TRAPPC13: variants seen among roughly 807,000 people sequenced by gnomAD.
The protein encoded by TRAPPC13 is REV7-interacting novel NHEJ regulator 1.
Under a neutral mutation model 54.0 loss-of-function variants are expected in TRAPPC13, and 39 were observed. The ratio of observed to expected loss-of-function variants is 0.72; its 90% confidence interval spans 0.56 to 0.94. The LOEUF is 0.94. TRAPPC13 is among the 40% of genes least tolerant of loss of function. TRAPPC13 has a pLI of 0.00. For missense variants in TRAPPC13, 386 were observed against 488.1 expected (o/e 0.79, Z 1.97); for synonymous variants, 148 against 167.7 (o/e 0.88, Z 0.91).
intron 10 of TRAPPC13, 122 bp downstream of exon 10, chr5:65,661,019 T>C (rs1019683499): frequency 1.4e-5 from 10 of 737,620 alleles, no homozygotes; most frequent in Middle Eastern, 2.5e-4. Context: ...TTACTACTAC[T>C]GGAGCAGAAA....
chr5:65,629,630 G>C, intron 1 of TRAPPC13: 1 of 1,535,832 alleles, frequency 6.5e-7, no homozygotes, highest in Non-Finnish European at 8.7e-7. Flanking sequence ...ATGTGAGAGT[G>C]ATCCCACACA....
At chr5:65,638,823 C>G (rs1180446862) in intron 4 of TRAPPC13, among the ~76,000 whole-genome samples, 3 of 152,162 alleles carry the variant, frequency 2.0e-5, no homozygotes, top group African/African-American at 7.2e-5. Flanking sequence ...GTGGCTCATG[C>G]CTGTAATCCT....
At chr5:65,657,314 G>A (rs750602385) in intron 8 of TRAPPC13, among the ~76,000 whole-genome samples, 18 of 151,998 alleles carry the variant, frequency 1.2e-4, no homozygotes, top group Admixed American at 2.0e-4. Context: ...CCCGGGAGGC[G>A]GAGGTTGCAG....
At chr5:65,647,557 G>A (rs931132712) in intron 5 of TRAPPC13, among the ~76,000 whole-genome samples, 2 of 151,834 alleles carry the variant, frequency 1.3e-5, no homozygotes, top group African/African-American at 4.8e-5. Context: ...ATTTAACCAG[G>A]TATATGCACT....
In TRAPPC13 at chr5:65,642,037, T is replaced by G. The variant is rs1006417450; in HGVS notation, c.300+4257T>G. ...AAAGTAGGCTCTTAAAATTTTCTTC[T>G]GTTGGCCGGGTGCAGTGGCTCACGC... On this transcript the variant is annotated intron_variant, in intron 4 of 12. Coordinates refer to ENST00000399438, the MANE Select transcript of TRAPPC13 (RefSeq NM_024941.4). Among the ~76,000 whole-genome samples, 9 of 152,232 alleles carry G rather than the reference T, an allele frequency of 5.9e-5. No homozygotes were observed. The South Asian group carries it at 1.0e-3, about 18-fold the overall frequency.
At chr5:65,626,897 T>G (rs1390913725) in intron 1 of TRAPPC13, among the ~76,000 whole-genome samples, 1 of 151,804 alleles carries the variant, frequency 6.6e-6, no homozygotes, top group Admixed American at 6.6e-5. Context: ...TAATAGCACT[T>G]TGGGAGGCCG....
intron 5 of TRAPPC13, among the ~76,000 whole-genome samples, chr5:65,648,917 G>C (rs1248850895): frequency 6.6e-6 from 1 of 151,732 alleles, no homozygotes; most frequent in Non-Finnish European, 1.5e-5. Context: ...AGTATTTTTT[G>C]GAAACACAGT....
intron 4 of TRAPPC13, among the ~76,000 whole-genome samples, chr5:65,646,631 T>G (rs1756219853): frequency 1.3e-5 from 2 of 152,302 alleles, no homozygotes; most frequent in South Asian, 4.1e-4. Context: ...AAAACACGTG[T>G]CGTAGCTAGA....
At chr5:65,643,252 C>T (rs1252965923) in intron 4 of TRAPPC13, among the ~76,000 whole-genome samples, 2 of 151,682 alleles carry the variant, frequency 1.3e-5, no homozygotes, top group Admixed American at 6.6e-5. Context: ...GCTTATGGAA[C>T]TTACTGATGA....
At chr5:65,640,520 G>A (rs532012986) in intron 4 of TRAPPC13, among the ~76,000 whole-genome samples, 15 of 152,288 alleles carry the variant, frequency 9.8e-5, no homozygotes, top group African/African-American at 3.6e-4. Flanking sequence ...AGATTGTATG[G>A]CCTCTAAAAT....
Position 65,664,726 on chromosome 5 carries a change from C to A in TRAPPC13, c.*115C>A. On this transcript the variant is annotated 3_prime_UTR_variant, in exon 13 of 13. Transcript: ENST00000399438. Reference sequence around the variant, plus strand: ...AAATATGTTACTTAAATTTTCTTTCCTGTAAAATGGTTAAAATATTAAATA... The same window carrying A: ...AAATATGTTACTTAAATTTTCTTTCATGTAAAATGGTTAAAATATTAAATA... 1 of 727,358 alleles carries A rather than the reference C, an allele frequency of 1.4e-6. No homozygotes were observed. The highest frequency in any genetic ancestry group is 2.3e-6 in the Non-Finnish European group (1 of 431,960). 45.1% of individuals were successfully genotyped at this position (727,358 alleles called of 1,614,324 possible).
chr5:65,630,096 C>T, intron 1 of TRAPPC13: 1 of 1,536,034 alleles, frequency 6.5e-7, no homozygotes, highest in Non-Finnish European at 8.7e-7. Flanking sequence ...GCAAGATGGA[C>T]AATAGAACAC....
Position 65,627,203 on chromosome 5 carries a change from T to C in TRAPPC13, c.46+2097T>C, listed in dbSNP as rs115689152. Among the ~76,000 whole-genome samples the C allele has an allele frequency of 5.9e-3, 888 of 149,472 alleles. 8 individuals are homozygous for C. Among genetic ancestry groups the C allele is most frequent in the African/African-American group, 0.021 (851 of 40,514 alleles). ...GGACAAGTGCTTCAAAATTGACTGA[T>C]AGTTTCAACTTTATTAAACCTCTTT... On this transcript the variant is annotated intron_variant, in intron 1 of 12. Coordinates refer to ENST00000399438, the MANE Select transcript of TRAPPC13 (RefSeq NM_024941.4).
At chr5:65,637,618 G>A (rs568946646) in intron 3 of TRAPPC13, 78 bp from the exon 4 acceptor site, 58 of 723,994 alleles carry the variant, frequency 8.0e-5, no homozygotes, top group South Asian at 1.2e-4. Flanking sequence ...GTGACAGAGC[G>A]AGACTCTGTC....
chr5:65,657,464 G>T (rs191098703), intron 8 of TRAPPC13, among the ~76,000 whole-genome samples: 37 of 152,142 alleles, frequency 2.4e-4, no homozygotes, highest in African/African-American at 7.5e-4. Context: ...ATATTACTAT[G>T]AAACTTTTGA....
At chr5:65,643,375 G>C (rs1482681880) in intron 4 of TRAPPC13, among the ~76,000 whole-genome samples, 1 of 151,868 alleles carries the variant, frequency 6.6e-6, no homozygotes, top group Non-Finnish European at 1.5e-5. Context: ...ATTCATAAGA[G>C]CTATTTTATC....
Position 65,665,730 on chromosome 5 carries a change from T to A in TRAPPC13, c.*1119T>A, listed in dbSNP as rs1369262203. On this transcript the variant is annotated 3_prime_UTR_variant, in exon 13 of 13. Transcript: ENST00000399438. ...ACTTTCTCTCTCCATGTAATCACAC[T>A]TAGTTATGAGCAAAGCAGTGAGAAA... 6.6e-6 allele frequency: 1 copy of A among 152,344 alleles called. No homozygotes were observed. Among genetic ancestry groups the A allele is most frequent in the African/African-American group, 2.4e-5 (1 of 41,450 alleles). 9.4% of individuals were successfully genotyped at this position (152,344 alleles called of 1,614,324 possible). A position where few individuals can be genotyped will look rare whatever the true frequency, so the allele number is the denominator to read the frequency against.
intron 5 of TRAPPC13, among the ~76,000 whole-genome samples, chr5:65,650,140 G>A (rs1168253336): frequency 7.0e-6 from 1 of 141,954 alleles, no homozygotes; most frequent in African/African-American, 2.6e-5. Flanking sequence ...TTACAGGCAT[G>A]AGCCACCACA....
At chr5:65,627,460 T>C (rs1755296121) in intron 1 of TRAPPC13, among the ~76,000 whole-genome samples, 1 of 151,880 alleles carries the variant, frequency 6.6e-6, no homozygotes, top group Non-Finnish European at 1.5e-5. Context: ...TGAAACCCCG[T>C]CTCTACTGAA....
Sources: gnomAD v4.1 joint callset for allele counts (sites outside exome capture counted in the v4.1 genomes callset) on GRCh38, gnomAD v4.1.1 for gene constraint, MANE v1.5 for transcripts, NCBI Gene and HGNC (gene_info 2026-07-23, HGNC 2026-07-21) for gene names.